Variants in PTPRD observed in about 807,000 individuals in gnomAD.
The protein encoded by PTPRD is protein tyrosine phosphatase receptor type D, also known as receptor-type tyrosine-protein phosphatase delta.
PTPRD carries 34 observed loss-of-function variants against 214.5 expected under a neutral mutation model. The observed-to-expected ratio is 0.16, with a 90% CI of 0.12 to 0.21. The LOEUF is 0.21. Among genes scored for constraint, PTPRD ranks in the 10% least tolerant of loss-of-function variants. The pLI is 1.00. For missense variants in PTPRD, 2,545 were observed against 2,398.7 expected (o/e 1.06, Z -1.27); for synonymous variants, 1,128 against 845.7 (o/e 1.33, Z -5.79).
At chr9:8,396,458 C>A (rs537160877) in intron 36 of PTPRD, among the ~76,000 whole-genome samples, 1 of 151,940 alleles carries the variant, frequency 6.6e-6, no homozygotes, top group African/African-American at 2.4e-5. Context: ...GGTTTATCTA[C>A]GGCCTCAGAG....
At chr9:9,574,322 A>G (rs1370720264) in intron 8 of PTPRD, among the ~76,000 whole-genome samples, 2 of 151,956 alleles carry the variant, frequency 1.3e-5, no homozygotes, top group African/African-American at 4.8e-5. Context: ...GAGCTCTAAC[A>G]TCATGCTTCA....
chr9:8,728,743 G>A (rs978843744), intron 12 of PTPRD, among the ~76,000 whole-genome samples: 1 of 152,114 alleles, frequency 6.6e-6, no homozygotes, highest in South Asian at 2.1e-4. Context: ...ACTTTAGGAG[G>A]CTGAGGCAAG....
At chr9:10,559,250 A>G (rs1193985827) in intron 2 of PTPRD, among the ~76,000 whole-genome samples, 2 of 152,170 alleles carry the variant, frequency 1.3e-5, no homozygotes, top group Non-Finnish European at 2.9e-5. Flanking sequence ...ATTAAGTTGC[A>G]GGGGTTATAC....
chr9:9,511,783 T>C (rs1465546070), intron 8 of PTPRD, among the ~76,000 whole-genome samples: 1 of 151,800 alleles, frequency 6.6e-6, no homozygotes, highest in Non-Finnish European at 1.5e-5. Context: ...AGATCTCTTT[T>C]ATTATTTGAG....
intron 8 of PTPRD, among the ~76,000 whole-genome samples, chr9:9,403,015 C>G (rs1264527886): frequency 6.9e-6 from 1 of 144,732 alleles, no homozygotes; most frequent in East Asian, 2.0e-4. Flanking sequence ...AGGTGCCAGG[C>G]GCGGTGTCTC....
At position 9,649,154 on chromosome 9, in the gene PTPRD, GC is replaced by G. The variant is rs151122024; in HGVS notation, c.-286-74374del. On this transcript the variant is annotated intron_variant, in intron 7 of 45. Coordinates refer to ENST00000381196, the MANE Select transcript of PTPRD (RefSeq NM_002839.4). ...TGAGATAGCGACCATATATCATGTA[GC>G]CATATATCAGTAATTTTCTAGGAGG... is the stretch of plus-strand genomic sequence containing the variant. Among the ~76,000 whole-genome samples, 6 of 152,216 alleles carry G rather than the reference GC, an allele frequency of 3.9e-5. No individual in the cohort carries two copies. In the East Asian group the frequency reaches 1.2e-3, roughly 29 times the overall value.
At chr9:9,434,695 G>C (rs985225609) in intron 8 of PTPRD, among the ~76,000 whole-genome samples, 1 of 151,868 alleles carries the variant, frequency 6.6e-6, no homozygotes, top group Admixed American at 6.6e-5. Flanking sequence ...GAACACAACA[G>C]AGAACCCAGA....
At chr9:10,312,422 G>T (rs2154418736) in intron 3 of PTPRD, among the ~76,000 whole-genome samples, 1 of 152,042 alleles carries the variant, frequency 6.6e-6, no homozygotes, top group African/African-American at 2.4e-5. Context: ...CTACTAACAT[G>T]AAGTAGAATA....
At chr9:9,137,872 A>G (rs2099853440) in intron 10 of PTPRD, among the ~76,000 whole-genome samples, 1 of 152,186 alleles carries the variant, frequency 6.6e-6, no homozygotes, top group Admixed American at 6.5e-5. Context: ...TTCAGGTCTA[A>G]ATAATATCAT....
intron 43 of PTPRD, among the ~76,000 whole-genome samples, chr9:8,332,838 T>G (rs1385161639): frequency 2.0e-5 from 3 of 152,208 alleles, no homozygotes; most frequent in Non-Finnish European, 4.4e-5. Flanking sequence ...GAGGTCCTAC[T>G]CCTAAATGGT....
chr9:10,243,279 C>A (rs774176569), intron 3 of PTPRD, among the ~76,000 whole-genome samples: 1 of 151,914 alleles, frequency 6.6e-6, no homozygotes, highest in South Asian at 2.1e-4. Context: ...CTTTTGTAAG[C>A]ATTTGGCCAC....
chr9:9,009,478 G>A (rs532028690), intron 11 of PTPRD, among the ~76,000 whole-genome samples: 5 of 151,932 alleles, frequency 3.3e-5, no homozygotes, highest in South Asian at 2.1e-4. Flanking sequence ...TTGTTACATA[G>A]GTAAATGTGT....
At chr9:9,691,603 T>C (rs1564570877) in intron 7 of PTPRD, among the ~76,000 whole-genome samples, 1 of 152,088 alleles carries the variant, frequency 6.6e-6, no homozygotes, top group Non-Finnish European at 1.5e-5. Context: ...ACAGTGCAGA[T>C]TCAATATACT....
At chr9:8,997,982 C>G (rs1009064513) in intron 11 of PTPRD, among the ~76,000 whole-genome samples, 13 of 151,988 alleles carry the variant, frequency 8.6e-5, no homozygotes, top group African/African-American at 2.7e-4. Context: ...TCTATGAAGT[C>G]TGAGAGAGGC....
At chr9:8,726,452 C>T (rs915713335) in intron 12 of PTPRD, among the ~76,000 whole-genome samples, 7 of 148,546 alleles carry the variant, frequency 4.7e-5, no homozygotes, top group African/African-American at 1.7e-4. Flanking sequence ...GCCAAGAAGG[C>T]CGGGTGTGGT....
intron 14 of PTPRD, among the ~76,000 whole-genome samples, chr9:8,568,448 C>T (rs1339625404): frequency 6.6e-6 from 1 of 152,050 alleles, no homozygotes; most frequent in Non-Finnish European, 1.5e-5. Context: ...CCTAAATCAC[C>T]TATAAAGAAA....
intron 11 of PTPRD, among the ~76,000 whole-genome samples, chr9:8,875,958 T>G (rs2098385050): frequency 6.6e-6 from 1 of 152,218 alleles, no homozygotes; most frequent in Non-Finnish European, 1.5e-5. Context: ...GCCGAGACAC[T>G]GAATTCACCA....
chr9:10,544,547 A>G (rs2059805873), intron 2 of PTPRD, among the ~76,000 whole-genome samples: 1 of 152,162 alleles, frequency 6.6e-6, no homozygotes, highest in South Asian at 2.1e-4. Flanking sequence ...GATCTATCCT[A>G]GATCTGAAGA....
At chr9:10,556,462 C>A (rs1294903651) in intron 2 of PTPRD, among the ~76,000 whole-genome samples, 1 of 151,942 alleles carries the variant, frequency 6.6e-6, no homozygotes, top group East Asian at 1.9e-4. Context: ...ACATATATTA[C>A]TAACATTCCT....
Sources: gnomAD v4.1 joint callset for allele counts (sites outside exome capture counted in the v4.1 genomes callset) on GRCh38, gnomAD v4.1.1 for gene constraint, MANE v1.5 for transcripts, NCBI Gene and HGNC (gene_info 2026-07-23, HGNC 2026-07-21) for gene names.